Variants in GRIK2 observed in about 807,000 individuals in gnomAD.
GRIK2 encodes glutamate receptor ionotropic, kainate 2.
GRIK2 carries 32 observed loss-of-function variants against 100.3 expected under a neutral mutation model. That is an observed-to-expected ratio of 0.32 (90% CI 0.24 to 0.43). The LOEUF (loss-of-function observed/expected upper bound fraction) is 0.43. Among genes scored for constraint, GRIK2 ranks in the 20% least tolerant of loss-of-function variants. GRIK2 has a pLI of 1.00. For synonymous variants in GRIK2, 417 were observed against 389.4 expected (o/e 1.07, Z -0.83); for missense variants, 843 against 1,114.9 (o/e 0.76, Z 3.47).
intron 7 of GRIK2, among the ~76,000 whole-genome samples, chr6:101,775,763 A>G (rs988584641): frequency 4.0e-5 from 6 of 151,552 alleles, no homozygotes; most frequent in African/African-American, 1.5e-4. Flanking sequence ...TGGAAACAAT[A>G]TATATATGTG....
At chr6:101,925,828 C>G (rs1789852403) in intron 13 of GRIK2, among the ~76,000 whole-genome samples, 1 of 151,906 alleles carries the variant, frequency 6.6e-6, no homozygotes, top group Non-Finnish European at 1.5e-5. Context: ...AGGCATCGTG[C>G]TATTGCATGT....
chr6:101,408,382 G>C (rs1445797323), intron 2 of GRIK2, among the ~76,000 whole-genome samples: 1 of 151,856 alleles, frequency 6.6e-6, no homozygotes, highest in Non-Finnish European at 1.5e-5. Flanking sequence ...AAGTGAGAGA[G>C]AGAGAGAGAG....
chr6:102,034,531 A>G (rs768466401), intron 14 of GRIK2, among the ~76,000 whole-genome samples: 21 of 151,410 alleles, frequency 1.4e-4, no homozygotes, highest in Non-Finnish European at 2.4e-4. Context: ...ACTTTCAAGG[A>G]GCAGATGCTA....
intron 14 of GRIK2, among the ~76,000 whole-genome samples, chr6:101,953,452 C>T (rs1791724464): frequency 6.6e-6 from 1 of 152,104 alleles, no homozygotes; most frequent in Non-Finnish European, 1.5e-5. Flanking sequence ...TGATTATAGC[C>T]ATCCTAGTGT....
At chr6:101,610,814 C>G (rs1779638441) in intron 2 of GRIK2, among the ~76,000 whole-genome samples, 1 of 151,772 alleles carries the variant, frequency 6.6e-6, no homozygotes, top group South Asian at 2.1e-4. Flanking sequence ...TAAGCACATG[C>G]TTTTTACCTT....
At chr6:101,427,808 G>A (rs2852524) in intron 2 of GRIK2, among the ~76,000 whole-genome samples, 8,643 of 152,194 alleles carry the variant, frequency 0.057, 405 homozygotes, top group South Asian at 0.14. Flanking sequence ...CACTTTGTCT[G>A]CCATTTATCC....
At chr6:102,054,232 G>A (rs1292742594) in intron 15 of GRIK2, among the ~76,000 whole-genome samples, 4 of 152,060 alleles carry the variant, frequency 2.6e-5, no homozygotes, top group Admixed American at 6.6e-5. Context: ...TATGGTTCTC[G>A]TCTTTCTACT....
At chr6:101,669,232 ACT>A (rs1046957443) in intron 4 of GRIK2, among the ~76,000 whole-genome samples, 13 of 152,246 alleles carry the variant, frequency 8.5e-5, no homozygotes, top group African/African-American at 3.1e-4. Context: ...TTATAATTCT[ACT>A]CTGTCATTAA....
chr6:102,035,198 T>TATATATAG (rs1770203834), intron 14 of GRIK2, 143 bp from the exon 15 acceptor site: 1 of 241,100 alleles, frequency 4.1e-6, no homozygotes, highest in African/African-American at 2.3e-5. Flanking sequence ...TTTTGGTATA[T>TATATATAG]ATATATATAT....
chr6:102,008,174 C>CT (rs1795340418), intron 14 of GRIK2, among the ~76,000 whole-genome samples: 1 of 152,008 alleles, frequency 6.6e-6, no homozygotes, highest in Non-Finnish European at 1.5e-5. Context: ...AACCATTGGT[C>CT]TGTGACTTTA....
chr6:101,497,574 G>GA (rs931672570), intron 2 of GRIK2, among the ~76,000 whole-genome samples: 3 of 151,358 alleles, frequency 2.0e-5, no homozygotes, highest in Admixed American at 6.6e-5. Flanking sequence ...GGATAAAGCT[G>GA]AAAAAAAATG....
intron 14 of GRIK2, among the ~76,000 whole-genome samples, chr6:101,948,648 T>C (rs1280214117): frequency 6.6e-6 from 1 of 151,694 alleles, no homozygotes; most frequent in Non-Finnish European, 1.5e-5. Flanking sequence ...TTTTATTGTT[T>C]TAATTAAATA....
Position 101,488,905 on chromosome 6 carries a change from G to A in GRIK2, c.115+89513G>A, listed in dbSNP as rs559408586. Among the ~76,000 whole-genome samples the A allele has an allele frequency of 5.8e-4, 85 of 146,002 alleles. 9 individuals carry two copies. The highest frequency in any genetic ancestry group is 3.5e-3 in the Middle Eastern group (1 of 282). On this transcript the variant is annotated intron_variant, in intron 2 of 16. Coordinates refer to ENST00000369134, the MANE Select transcript of GRIK2 (RefSeq NM_021956.5). The stretch of plus-strand genomic sequence containing the variant: ...ATTGGAGTTTTCTTTATAATTCTGA[G>A]GGTCTAAGGATCTCACAAGTTATAT...
intron 5 of GRIK2, 94 bp from the exon 6 acceptor site, chr6:101,682,459 T>C (rs1771344129): frequency 1.4e-6 from 1 of 708,570 alleles, no homozygotes; most frequent in African/African-American, 1.8e-5. Flanking sequence ...GGTTGATTCT[T>C]TATCACATCC....
chr6:101,946,542 T>C (rs1791289464), intron 14 of GRIK2, among the ~76,000 whole-genome samples: 1 of 152,026 alleles, frequency 6.6e-6, no homozygotes, highest in South Asian at 2.1e-4. Flanking sequence ...AAAAGAAACA[T>C]TTTGATTTTT....
In GRIK2 at chr6:101,488,210, C is replaced by G. The variant is rs1328328357; in HGVS notation, c.115+88818C>G. Among the ~76,000 whole-genome samples the G allele has an allele frequency of 2.1e-5, 3 of 146,262 alleles. 1 individual carries two copies. Among genetic ancestry groups the G allele is most frequent in the Admixed American group, 6.8e-5 (1 of 14,660 alleles). On this transcript the variant is annotated intron_variant, in intron 2 of 16. Transcript: ENST00000369134. ...AACCAAATTATTCTGTCTTGTTTAA[C>G]TGTTATTAAAGAATATAAAGAATGC...
intron 2 of GRIK2, among the ~76,000 whole-genome samples, chr6:101,467,251 T>A (rs1771695490): frequency 6.6e-6 from 1 of 152,156 alleles, no homozygotes; most frequent in Admixed American, 6.5e-5. Flanking sequence ...TAAAAGTGAA[T>A]AAGAGAAAAA....
chr6:101,401,321 A>C (rs1775291985), intron 2 of GRIK2, among the ~76,000 whole-genome samples: 1 of 152,172 alleles, frequency 6.6e-6, no homozygotes, highest in South Asian at 2.1e-4. Flanking sequence ...TTCATATTAA[A>C]AATCTTGGCG....
At chr6:101,517,005 A>G (rs1774620554) in intron 2 of GRIK2, among the ~76,000 whole-genome samples, 1 of 152,148 alleles carries the variant, frequency 6.6e-6, no homozygotes, top group Non-Finnish European at 1.5e-5. Context: ...TCAGGTCACT[A>G]CATAGGCAAT....
Sources: gnomAD v4.1 joint callset for allele counts (sites outside exome capture counted in the v4.1 genomes callset) on GRCh38, gnomAD v4.1.1 for gene constraint, MANE v1.5 for transcripts, NCBI Gene and HGNC (gene_info 2026-07-23, HGNC 2026-07-21) for gene names.